PGLYRP4: variants seen among roughly 807,000 people sequenced by gnomAD.
The protein encoded by PGLYRP4 is PGRP-I-beta.
Under a neutral mutation model 41.2 loss-of-function variants are expected in PGLYRP4, and 39 were observed. The observed-to-expected ratio is 0.95, with a 90% CI of 0.73 to 1.24. PGLYRP4 has a LOEUF of 1.24. PGLYRP4 is among the 50% of genes most tolerant of loss of function. The pLI is 0.00. For synonymous variants in PGLYRP4, 202 were observed against 186.8 expected, an observed-to-expected ratio of 1.08 and a Z score of -0.66; for missense variants, 467 against 460.7, an observed-to-expected ratio of 1.01 and a Z score of -0.13.
chr1:153,332,586 C>T (rs546085746), intron 8 of PGLYRP4, among the ~76,000 whole-genome samples: 5 of 152,312 alleles, frequency 3.3e-5, no homozygotes, highest in East Asian at 1.9e-4. Context: ...ATATTCATCT[C>T]TTCTGCACAC....
In PGLYRP4 at chr1:153,341,198, T is replaced by C. The variant is rs369778341; in HGVS notation, c.625+429A>G. 2.3e-3 allele frequency among the ~76,000 whole-genome samples: 343 copies of C among 152,366 alleles called. 3 individuals are homozygous for C. The highest frequency in any genetic ancestry group is 0.012 in the South Asian group (57 of 4,830). ...ATGTGTCCAGTCCCTTTCCATTGTT[T>C]CCTCCCTTGCACTTTTCTCCATATA... On this transcript the variant is annotated intron_variant, in intron 6 of 8. Coordinates refer to ENST00000359650, the MANE Select transcript of PGLYRP4 (RefSeq NM_020393.4).
chr1:153,344,153 A>G (rs551811010), intron 4 of PGLYRP4, among the ~76,000 whole-genome samples: 1 of 152,338 alleles, frequency 6.6e-6, no homozygotes, highest in South Asian at 2.1e-4. Flanking sequence ...CTTAGTCTGT[A>G]AGAGAGTAGG....
In PGLYRP4 at chr1:153,345,752, G is replaced by T. The variant is rs532857738; in HGVS notation, c.139+350C>A. ...TGTGCTCTCTGATCATTTCCTCTGC[G>T]GTTCTGAGTGTTCCCTGAGGGGACT... On this transcript the variant is annotated intron_variant, in intron 3 of 8. Transcript: ENST00000359650. Among the ~76,000 whole-genome samples, 117 of 152,284 alleles carry T rather than the reference G, an allele frequency of 7.7e-4. 2 individuals are homozygous for T. Among genetic ancestry groups the T allele is most frequent in the African/African-American group, 2.7e-3 (112 of 41,558 alleles).
intron 7 of PGLYRP4, 80 bp downstream of exon 7, chr1:153,340,301 A>G: frequency 8.0e-7 from 1 of 1,248,060 alleles, no homozygotes; most frequent in Admixed American, 1.7e-5. Context: ...AGTAAATATT[A>G]GTTCCCTTTC....
rs73014487 is a variant in PGLYRP4 at position 153,336,411 on chromosome 1, G to T, written c.943+770C>A. 2.8e-3 allele frequency among the ~76,000 whole-genome samples: 312 copies of T among 110,872 alleles called. 4 individuals carry two copies. Among genetic ancestry groups the T allele is most frequent in the African/African-American group, 0.011 (304 of 28,782 alleles). The allele number at this position is 110,872 out of a possible 152,430, so 72.7% of individuals were successfully genotyped here. A position where few individuals can be genotyped will look rare whatever the true frequency, so the allele number is the denominator to read the frequency against. Reference sequence around the variant, plus strand: ...AAAAAAACAAAGAAAGAAAAGAAAAGAAATCATGTCTTTTACAGCAACATA... The same window carrying T: ...AAAAAAACAAAGAAAGAAAAGAAAATAAATCATGTCTTTTACAGCAACATA... On this transcript the variant is annotated intron_variant, in intron 8 of 8. Transcript: ENST00000359650.
chr1:153,336,369 CAAAAAAAAAAAA>C (rs58665160), intron 8 of PGLYRP4, among the ~76,000 whole-genome samples: 3 of 76,502 alleles, frequency 3.9e-5, no homozygotes, highest in South Asian at 1.3e-3. Flanking sequence ...GACTCCATCT[CAAAAAAAAAAAA>C]AAAAAAAAAA....
intron 3 of PGLYRP4, 123 bp from the exon 4 acceptor site, chr1:153,345,505 C>T: frequency 1.3e-6 from 1 of 770,470 alleles, no homozygotes; most frequent in South Asian, 1.6e-5. Flanking sequence ...GCAGGTGCAC[C>T]TGCCCTGCCC....
At chr1:153,340,695 T>A in intron 6 of PGLYRP4, 116 bp from the exon 7 acceptor site, 3 of 1,010,132 alleles carry the variant, frequency 3.0e-6, no homozygotes, top group Non-Finnish European at 4.3e-6. Flanking sequence ...CCTCTGGGTC[T>A]CCCACCCTGC....
At chr1:153,338,001 A>C (rs1288520708) in intron 7 of PGLYRP4, among the ~76,000 whole-genome samples, 1 of 152,010 alleles carries the variant, frequency 6.6e-6, no homozygotes, top group Non-Finnish European at 1.5e-5. Context: ...TCAGGATGCT[A>C]TCCTCAGCTC....
intron 3 of PGLYRP4, 127 bp downstream of exon 3, chr1:153,345,975 C>G: frequency 2.7e-6 from 2 of 748,466 alleles, no homozygotes; most frequent in Non-Finnish European, 4.8e-6. Context: ...TGGTACTGCT[C>G]TCTGCACTTC....
At chr1:153,336,573 C>T (rs531634390) in intron 8 of PGLYRP4, among the ~76,000 whole-genome samples, 12 of 152,036 alleles carry the variant, frequency 7.9e-5, no homozygotes, top group African/African-American at 2.7e-4. Context: ...ACATCAGAGA[C>T]TTCAAAAGGT....
In PGLYRP4 at chr1:153,337,255, C is replaced by A; in HGVS notation, c.869G>T (p.Trp290Leu). The change falls in exon 8 of 9, where the codon TGG (tryptophan) becomes TTG (leucine). Residue 290 changes from tryptophan (W) to leucine (L), a missense_variant. By Grantham distance (61) the Trp-to-Leu change is moderately conservative. Coordinates refer to ENST00000359650, the MANE Select transcript of PGLYRP4 (RefSeq NM_020393.4). ...QDGAIYEGVG[W>L]NVQGSSTPGY... is the part of the protein sequence containing the mutation. ...AGGGGTGGAGGAGCCTTGGACATTC[C>A]AGCCCACCCCTTCATAAATGGCGCC... 6.2e-7 allele frequency: 1 copy of A among 1,613,200 alleles called. No individual in the cohort carries two copies. The highest frequency in any genetic ancestry group is 1.3e-5 in the African/African-American group (1 of 75,022).
chr1:153,338,618 A>G (rs1043105925), intron 7 of PGLYRP4, among the ~76,000 whole-genome samples: 3 of 152,212 alleles, frequency 2.0e-5, no homozygotes, highest in East Asian at 1.9e-4. Flanking sequence ...TTTGACATCT[A>G]TATTTATCCC....
intron 8 of PGLYRP4, among the ~76,000 whole-genome samples, chr1:153,336,045 CGTGTGTGT>C (rs57345412): frequency 7.1e-4 from 107 of 150,234 alleles, no homozygotes; most frequent in Admixed American, 4.6e-3. Context: ...AGGGTGCGTG[CGTGTGTGT>C]GTGTGTGTGT....
chr1:153,341,617 A>AAGC lies in PGLYRP4; in HGVS notation c.625+9_625+10insGCT. 6.2e-7 allele frequency: 1 copy of AAGC among 1,607,908 alleles called. No individual in the cohort carries two copies. Among genetic ancestry groups the AAGC allele is most frequent in the Non-Finnish European group, 8.5e-7 (1 of 1,177,492 alleles). On this transcript the variant is annotated intron_variant, in intron 6 of 8. Coordinates refer to ENST00000359650, the MANE Select transcript of PGLYRP4 (RefSeq NM_020393.4). ...GTGGCAGGCCCAGTAGGGCTGAAGAAAGGTCTTACCCTTCTTCAGGCTTGT... is the reference window on the plus strand; with the variant it reads ...GTGGCAGGCCCAGTAGGGCTGAAGAAAGCAGGTCTTACCCTTCTTCAGGCTTGT...
At chr1:153,345,542 C>G (rs1379773342) in intron 3 of PGLYRP4, among the ~76,000 whole-genome samples, 160 bp from the exon 4 acceptor site, 1 of 152,180 alleles carries the variant, frequency 6.6e-6, no homozygotes, top group Non-Finnish European at 1.5e-5. Context: ...CTCTCCAACA[C>G]TCACCCCGAA....
chr1:153,347,887 A>G lies in PGLYRP4; in HGVS notation c.46T>C (p.Trp16Arg). The change falls in exon 2 of 9, where the codon TGG becomes CGG. Residue 16 changes from tryptophan to arginine, a missense_variant. Physicochemically the swap from Trp to Arg is moderately radical, Grantham distance 101. Coordinates refer to ENST00000359650, the MANE Select transcript of PGLYRP4 (RefSeq NM_020393.4). ...LVFSALGIQA[W>R]GDSSWNKTQA... ...GGCCCAGGGAAAGAAAACTTACCCCAGGCCTGGATACCCAGAGCAGAGAAG... is the reference window on the plus strand; with the variant it reads ...GGCCCAGGGAAAGAAAACTTACCCCGGGCCTGGATACCCAGAGCAGAGAAG... 14 of 1,612,442 alleles carry G rather than the reference A, an allele frequency of 8.7e-6. No homozygotes were observed. Among genetic ancestry groups the G allele is most frequent in the Non-Finnish European group, 1.2e-5 (14 of 1,178,650 alleles).
chr1:153,345,807 C>A (rs1172983014), intron 3 of PGLYRP4, among the ~76,000 whole-genome samples: 1 of 152,190 alleles, frequency 6.6e-6, no homozygotes, highest in African/African-American at 2.4e-5. Context: ...GGGGCTATGT[C>A]TCCCCCTCAG....
At chr1:153,331,233 C>A (rs1485265860) in intron 8 of PGLYRP4, among the ~76,000 whole-genome samples, 1 of 152,132 alleles carries the variant, frequency 6.6e-6, no homozygotes, top group African/African-American at 2.4e-5. Flanking sequence ...AATTTAGCCC[C>A]CCAAAGGACA....
Sources: allele counts gnomAD v4.1 joint callset (sites outside exome capture counted in the v4.1 genomes callset), GRCh38; gene constraint gnomAD v4.1.1; transcripts MANE v1.5; gene names NCBI Gene and HGNC (gene_info 2026-07-23, HGNC 2026-07-21).